Variants in CDH13 observed in about 807,000 individuals in gnomAD.
The protein encoded by CDH13 is cadherin-13.
Under a neutral mutation model 63.8 loss-of-function variants are expected in CDH13, and 24 were observed. The ratio of observed to expected loss-of-function variants is 0.38; its 90% confidence interval spans 0.27 to 0.53. CDH13 has a LOEUF of 0.53. Ranked by LOEUF, CDH13 falls within the 20% of genes least tolerant of loss-of-function variation. The pLI is 0.85. For missense variants in CDH13, 1,049 were observed against 903.1 expected, an observed-to-expected ratio of 1.16 and a Z score of -2.07; for synonymous variants, 503 against 355.3, an observed-to-expected ratio of 1.42 and a Z score of -4.67.
At chr16:82,889,300 A>ATCTCTCTCTCTCTCTCTCTCTC (rs59500269) in intron 2 of CDH13, among the ~76,000 whole-genome samples, 2 of 149,804 alleles carry the variant, frequency 1.3e-5, no homozygotes, top group African/African-American at 4.9e-5. Context: ...TCTCTCTATT[A>ATCTCTCTCTCTCTCTCTCTCTC]TCTCTCTCTC....
chr16:83,690,487 C>T lies in CDH13; in HGVS notation c.1538+12026C>T, dbSNP rs894247810. On this transcript the variant is annotated intron_variant, in intron 10 of 13. Transcript: ENST00000567109. Reference sequence around the variant, plus strand: ...GCAGAGTGTGCAGGATTGTGCCCAGCGCACAGCAAGTTGGGGGATGGTGGG... The same window carrying T: ...GCAGAGTGTGCAGGATTGTGCCCAGTGCACAGCAAGTTGGGGGATGGTGGG... Among the ~76,000 whole-genome samples, 9 of 152,190 alleles carry T rather than the reference C, an allele frequency of 5.9e-5. No individual in the cohort carries two copies. In the South Asian group the frequency reaches 1.2e-3, roughly 21 times the overall value.
chr16:82,918,276 G>A (rs937819613), intron 2 of CDH13, among the ~76,000 whole-genome samples: 2 of 152,112 alleles, frequency 1.3e-5, no homozygotes, highest in East Asian at 1.9e-4. Context: ...ATTTAAACGA[G>A]TTCACACCTA....
chr16:83,271,833 A>G (rs1461720123), intron 5 of CDH13, among the ~76,000 whole-genome samples: 1 of 152,214 alleles, frequency 6.6e-6, no homozygotes, highest in East Asian at 1.9e-4. Flanking sequence ...CTGTCCAATC[A>G]TCTGTGTCAC....
chr16:82,712,411 G>A (rs2032018530), intron 1 of CDH13, among the ~76,000 whole-genome samples: 1 of 152,108 alleles, frequency 6.6e-6, no homozygotes, highest in Non-Finnish European at 1.5e-5. Flanking sequence ...CTGCCTCTAT[G>A]TAAATGAAAG....
At chr16:82,999,368 C>T (rs534154676) in intron 2 of CDH13, among the ~76,000 whole-genome samples, 1 of 152,104 alleles carries the variant, frequency 6.6e-6, no homozygotes, top group Non-Finnish European at 1.5e-5. Flanking sequence ...CTCCCAATAA[C>T]AGGATTTAAG....
At chr16:82,997,113 GTGATGC>G (rs1472783638) in intron 2 of CDH13, among the ~76,000 whole-genome samples, 2 of 149,084 alleles carry the variant, frequency 1.3e-5, no homozygotes, top group African/African-American at 5.0e-5. Context: ...GGTAGTGGTG[GTGATGC>G]TGATGGTGGT....
chr16:83,511,326 G>A (rs1390264637), intron 7 of CDH13, among the ~76,000 whole-genome samples: 1 of 152,172 alleles, frequency 6.6e-6, no homozygotes, highest in Admixed American at 6.5e-5. Context: ...GCCAGGTGTA[G>A]TGGCAGGTGC....
At chr16:83,151,982 A>G (rs1185356935) in intron 4 of CDH13, among the ~76,000 whole-genome samples, 1 of 152,004 alleles carries the variant, frequency 6.6e-6, no homozygotes, top group Non-Finnish European at 1.5e-5. Context: ...AAGAAAGTAA[A>G]TCACTAAGTA....
At chr16:83,101,958 G>C (rs1038381885) in intron 3 of CDH13, among the ~76,000 whole-genome samples, 2 of 152,184 alleles carry the variant, frequency 1.3e-5, no homozygotes, top group African/African-American at 4.8e-5. Context: ...TACCTTATAT[G>C]GCCAAATAGA....
chr16:82,689,942 C>T (rs1223893779), intron 1 of CDH13, among the ~76,000 whole-genome samples: 3 of 128,966 alleles, frequency 2.3e-5, no homozygotes, highest in Admixed American at 9.5e-5. Context: ...GTCAGGAGTT[C>T]GACACCAGCC....
chr16:83,171,388 C>T lies in CDH13; in HGVS notation c.483+45887C>T. On this transcript the variant is annotated intron_variant, in intron 4 of 13. Coordinates refer to ENST00000567109, the MANE Select transcript of CDH13 (RefSeq NM_001257.5). ...TCCAGTCACCTGCCACCAGGCCCCA[C>T]CTCCAACATGGGGGATTACAGTTGA... 4.0e-6 allele frequency: 3 copies of T among 748,052 alleles called. No homozygotes were observed. The South Asian group carries it at 4.9e-5, about 12-fold the overall frequency. The allele number at this position is 748,052 out of a possible 1,614,324, so 46.3% of individuals were successfully genotyped here. A position where few individuals can be genotyped will look rare whatever the true frequency, so the allele number is the denominator to read the frequency against.
At chr16:82,838,106 C>A (rs1336908064) in intron 1 of CDH13, among the ~76,000 whole-genome samples, 23 of 152,228 alleles carry the variant, frequency 1.5e-4, no homozygotes, top group Admixed American at 1.5e-3. Flanking sequence ...TTGGTGCTAG[C>A]AGCTGCCTCT....
At chr16:83,002,604 A>G (rs559000224) in intron 2 of CDH13, among the ~76,000 whole-genome samples, 2 of 152,384 alleles carry the variant, frequency 1.3e-5, no homozygotes, top group East Asian at 1.9e-4. Context: ...CAGGCAATAA[A>G]CAAATAAAAT....
chr16:83,008,191 A>C (rs1269873409), intron 2 of CDH13, among the ~76,000 whole-genome samples: 1 of 152,236 alleles, frequency 6.6e-6, no homozygotes, highest in Non-Finnish European at 1.5e-5. Flanking sequence ...ACAAAAACAT[A>C]CTATGGGATA....
In CDH13 at chr16:83,190,021, C is replaced by A. The variant is rs112199073; in HGVS notation, c.484-27324C>A. On this transcript the variant is annotated intron_variant, in intron 4 of 13. Coordinates refer to ENST00000567109, the MANE Select transcript of CDH13 (RefSeq NM_001257.5). ...TCCGGCATGATTGTGAGGCCTCCCC[C>A]ACCATGTGGAACTGTGAGTCAATTA... Among the ~76,000 whole-genome samples the A allele has an allele frequency of 6.8e-3, 1,043 of 152,274 alleles. 7 individuals are homozygous for A. The highest frequency in any genetic ancestry group is 0.023 in the African/African-American group (968 of 41,550).
intron 5 of CDH13, among the ~76,000 whole-genome samples, chr16:83,236,443 A>G (rs1285934663): frequency 6.6e-6 from 1 of 152,228 alleles, no homozygotes; most frequent in Non-Finnish European, 1.5e-5. Flanking sequence ...ACATCCTATA[A>G]GAAAATCTTA....
intron 1 of CDH13, among the ~76,000 whole-genome samples, chr16:82,742,479 G>T (rs958909453): frequency 6.6e-6 from 1 of 152,034 alleles, no homozygotes; most frequent in Non-Finnish European, 1.5e-5. Flanking sequence ...ATTATGTATA[G>T]CTCTTTATGT....
chr16:83,735,519 G>C (rs759058918), intron 10 of CDH13: 1 of 152,134 alleles, frequency 6.6e-6, no homozygotes, highest in Non-Finnish European at 1.5e-5. Flanking sequence ...TAGAAACTTT[G>C]ATCAACATCT....
At chr16:83,311,734 AG>A (rs1223700819) in intron 5 of CDH13, among the ~76,000 whole-genome samples, 1 of 152,210 alleles carries the variant, frequency 6.6e-6, no homozygotes, top group Non-Finnish European at 1.5e-5. Flanking sequence ...TTTTCTTCAA[AG>A]CCAATTTTAT....
Sources: gnomAD v4.1 joint callset for allele counts (sites outside exome capture counted in the v4.1 genomes callset) on GRCh38, gnomAD v4.1.1 for gene constraint, MANE v1.5 for transcripts, NCBI Gene and HGNC (gene_info 2026-07-23, HGNC 2026-07-21) for gene names.